The following CNTNAP5 variants were observed in gnomAD, a reference collection of about 807,000 sequenced individuals.
CNTNAP5 encodes contactin associated protein family member 5, also known as contactin-associated protein-like 5.
In CNTNAP5, 72 loss-of-function variants were observed where a neutral mutation model predicts 150.2. That is an observed-to-expected ratio of 0.48 (90% confidence interval 0.40 to 0.58). The LOEUF is 0.58. Ranked by LOEUF, CNTNAP5 falls within the 20% of genes least tolerant of loss-of-function variation. The pLI is 0.00. For synonymous variants in CNTNAP5, 672 were observed against 619.8 expected (o/e 1.08, Z -1.25); for missense variants, 1,636 against 1,626.2 (o/e 1.01, Z -0.10).
At chr2:124,890,957 TA>T (rs1319467422) in intron 21 of CNTNAP5, among the ~76,000 whole-genome samples, 1 of 152,100 alleles carries the variant, frequency 6.6e-6, no homozygotes, top group East Asian at 1.9e-4. Context: ...GGCAATGAGC[TA>T]AAAAGAGCTT....
At chr2:124,453,313 A>T (rs1016853721) in intron 6 of CNTNAP5, among the ~76,000 whole-genome samples, 1 of 151,866 alleles carries the variant, frequency 6.6e-6, no homozygotes, top group African/African-American at 2.4e-5. Flanking sequence ...TTTTGAATAA[A>T]CCCAATCCAA....
At chr2:124,752,639 G>C (rs181688685) in intron 14 of CNTNAP5, among the ~76,000 whole-genome samples, 2 of 152,164 alleles carry the variant, frequency 1.3e-5, no homozygotes, top group East Asian at 3.9e-4. Flanking sequence ...AATAAATGAA[G>C]GAACATATAA....
chr2:124,903,592 A>G (rs950311675), intron 22 of CNTNAP5, among the ~76,000 whole-genome samples: 5 of 152,204 alleles, frequency 3.3e-5, no homozygotes, highest in Admixed American at 3.3e-4. Context: ...CGCATTGTGT[A>G]ATTACTATCA....
At chr2:124,599,238 A>G (rs1156761403) in intron 11 of CNTNAP5, among the ~76,000 whole-genome samples, 1 of 152,140 alleles carries the variant, frequency 6.6e-6, no homozygotes, top group East Asian at 1.9e-4. Context: ...AGTGGATTTA[A>G]TTTCATCTTT....
intron 3 of CNTNAP5, among the ~76,000 whole-genome samples, chr2:124,400,669 G>GT (rs760418441): frequency 0.055 from 4,599 of 84,270 alleles, 293 homozygotes; most frequent in African/African-American, 0.13. Flanking sequence ...TAAAGGCATT[G>GT]TTTTTTTTTT....
rs1303886736 is a variant in CNTNAP5 at position 124,464,696 on chromosome 2, C to T, written c.919-10043C>T. Among the ~76,000 whole-genome samples the T allele has an allele frequency of 3.3e-5, 5 of 152,214 alleles. No individual in the cohort carries two copies. The East Asian group carries it at 9.7e-4, about 29-fold the overall frequency. ...CTTTTTTAAATACTCAACTTTCAGG[C>T]TAATTTTTAAAAATCAGGAGATTTA... On this transcript the variant is annotated intron_variant, in intron 6 of 23. Transcript: ENST00000682447.
chr2:124,900,973 T>C (rs1168117984), intron 21 of CNTNAP5, among the ~76,000 whole-genome samples: 1 of 151,644 alleles, frequency 6.6e-6, no homozygotes, highest in Non-Finnish European at 1.5e-5. Flanking sequence ...AGATGCTTTA[T>C]GTGGGACACA....
At chr2:124,501,922 C>T (rs940896440) in intron 7 of CNTNAP5, among the ~76,000 whole-genome samples, 10 of 152,052 alleles carry the variant, frequency 6.6e-5, no homozygotes, top group Admixed American at 2.0e-4. Flanking sequence ...TAGAGGCATG[C>T]GCTAAAGACA....
chr2:124,707,945 T>TA (rs897575489), intron 13 of CNTNAP5, among the ~76,000 whole-genome samples: 20 of 152,034 alleles, frequency 1.3e-4, no homozygotes, highest in Non-Finnish European at 2.1e-4. Context: ...ATAAAACTTT[T>TA]AAAAAAAATC....
chr2:124,377,889 C>G (rs1690691301), intron 3 of CNTNAP5, among the ~76,000 whole-genome samples: 1 of 152,044 alleles, frequency 6.6e-6, no homozygotes, highest in Admixed American at 6.6e-5. Flanking sequence ...CACATCCACC[C>G]TGTAAATCTT....
chr2:124,395,163 T>C (rs922785793), intron 3 of CNTNAP5, among the ~76,000 whole-genome samples: 7 of 152,142 alleles, frequency 4.6e-5, no homozygotes, highest in Non-Finnish European at 1.0e-4. Flanking sequence ...ACACATTCTT[T>C]TATAATGAAG....
intron 1 of CNTNAP5, among the ~76,000 whole-genome samples, chr2:124,139,636 T>C (rs536236386): frequency 3.5e-4 from 53 of 152,328 alleles, no homozygotes; most frequent in African/African-American, 1.2e-3. Context: ...CGAAGGAGAC[T>C]CTGATCTGTA....
intron 3 of CNTNAP5, among the ~76,000 whole-genome samples, chr2:124,410,081 C>G (rs1488505823): frequency 1.3e-5 from 2 of 152,070 alleles, no homozygotes; most frequent in Non-Finnish European, 2.9e-5. Flanking sequence ...GGTTGCCATC[C>G]TAGTCTCTGA....
intron 1 of CNTNAP5, among the ~76,000 whole-genome samples, chr2:124,102,495 TC>T (rs1435512476): frequency 6.6e-6 from 1 of 152,158 alleles, no homozygotes; most frequent in African/African-American, 2.4e-5. Flanking sequence ...GGCAAGTCAC[TC>T]AATCTCTTTG....
intron 1 of CNTNAP5, among the ~76,000 whole-genome samples, chr2:124,176,780 A>G (rs1303545691): frequency 6.7e-6 from 1 of 150,278 alleles, no homozygotes; most frequent in South Asian, 2.1e-4. Flanking sequence ...CTTTCTCTGG[A>G]AGGGGGATCT....
chr2:124,396,597 G>C (rs1424982128), intron 3 of CNTNAP5, among the ~76,000 whole-genome samples: 1 of 152,076 alleles, frequency 6.6e-6, no homozygotes, highest in Non-Finnish European at 1.5e-5. Flanking sequence ...ATCAAAAATA[G>C]CTTGGTACTT....
chr2:124,350,644 A>G (rs1689855610), intron 3 of CNTNAP5, among the ~76,000 whole-genome samples: 1 of 151,940 alleles, frequency 6.6e-6, no homozygotes, highest in African/African-American at 2.4e-5. Flanking sequence ...TTTTTTTAAG[A>G]ATAGAAGGTA....
chr2:124,125,046 A>G (rs1204854530), intron 1 of CNTNAP5, among the ~76,000 whole-genome samples: 1 of 152,226 alleles, frequency 6.6e-6, no homozygotes, highest in African/African-American at 2.4e-5. Flanking sequence ...TAACGGGATC[A>G]AATTCACACA....
intron 3 of CNTNAP5, among the ~76,000 whole-genome samples, chr2:124,408,101 C>G (rs1037666427): frequency 8.7e-5 from 13 of 150,266 alleles, no homozygotes; most frequent in Admixed American, 8.0e-4. Context: ...GTTCCCTTTC[C>G]GAGTCAAAGA....
Sources: allele counts gnomAD v4.1 joint callset (sites outside exome capture counted in the v4.1 genomes callset), GRCh38; gene constraint gnomAD v4.1.1; transcripts MANE v1.5; gene names NCBI Gene and HGNC (gene_info 2026-07-23, HGNC 2026-07-21).